SMG6: variants seen among roughly 807,000 people sequenced by gnomAD.
The protein encoded by SMG6 is telomerase-binding protein EST1A.
SMG6 carries 66 observed loss-of-function variants against 142.2 expected under a neutral mutation model. The observed-to-expected ratio is 0.46, with a 90% CI of 0.38 to 0.57. The LOEUF is 0.57. Ranked by LOEUF, SMG6 falls within the 20% of genes least tolerant of loss-of-function variation. The pLI, the probability that SMG6 is intolerant of heterozygous loss-of-function variation, is 0.00. For missense variants in SMG6, 1,793 were observed against 1,832.0 expected (o/e 0.98, Z 0.39); for synonymous variants, 779 against 702.4 (o/e 1.11, Z -1.72).
chr17:2,177,675 C>T (rs1272741150), intron 12 of SMG6, among the ~76,000 whole-genome samples: 1 of 152,120 alleles, frequency 6.6e-6, no homozygotes, highest in Non-Finnish European at 1.5e-5. Flanking sequence ...AGAAGCCGTG[C>T]ATTGTGTTTC....
At chr17:2,200,135 G>C (rs867137573) in intron 10 of SMG6, 1 of 151,768 alleles carries the variant, frequency 6.6e-6, no homozygotes, top group African/African-American at 2.4e-5. Flanking sequence ...TGGCTAGGCT[G>C]GTCTTGAACT....
At chr17:2,152,105 C>G (rs928704534) in intron 13 of SMG6, among the ~76,000 whole-genome samples, 1 of 152,144 alleles carries the variant, frequency 6.6e-6, no homozygotes, top group Non-Finnish European at 1.5e-5. Context: ...GCCGGAGAGG[C>G]CTTGATGAAT....
intron 10 of SMG6, among the ~76,000 whole-genome samples, chr17:2,211,631 T>G (rs984400428): frequency 4.3e-4 from 61 of 141,790 alleles, no homozygotes; most frequent in Non-Finnish European, 8.7e-4. Flanking sequence ...GCCAGGGCAC[T>G]CCAGCCTGGG....
At position 2,068,815 on chromosome 17, in the gene SMG6, C is replaced by T. The variant is rs137992786; in HGVS notation, c.3798G>A (p.Leu1266=). The change falls in exon 16 of 19, where the codon CTG becomes CTA. Residue 1266 remains leucine (L), a synonymous_variant. Coordinates refer to ENST00000263073, the MANE Select transcript of SMG6 (RefSeq NM_017575.5). This position sits in a 1 kb window ranked among gnomAD's most constrained non-coding sequence, Gnocchi z 6.7. ...CCACCAGGATGTACTTCCTGCTCTCCAGCAGCCGCGCCAGACTGGCCAGGT... is the reference window on the plus strand; with the variant it reads ...CCACCAGGATGTACTTCCTGCTCTCTAGCAGCCGCGCCAGACTGGCCAGGT... ...IDHLASLARL[L]ESRKYILVVP... 173 of 1,614,236 alleles carry T rather than the reference C, an allele frequency of 1.1e-4. No individual in the cohort carries two copies. In the African/African-American group the frequency reaches 2.0e-3, roughly 19 times the overall value.
intron 1 of SMG6, among the ~76,000 whole-genome samples, chr17:2,302,295 G>A (rs2075297788): frequency 6.6e-6 from 1 of 151,994 alleles, no homozygotes; most frequent in Non-Finnish European, 1.5e-5. Context: ...TGTAATCCCA[G>A]CACTTTGGGA....
intron 2 of SMG6, 50 bp from the exon 3 acceptor site, chr17:2,298,105 G>C: frequency 6.6e-7 from 1 of 1,525,520 alleles, no homozygotes; most frequent in Non-Finnish European, 8.8e-7. Context: ...CACAGAAAAA[G>C]CTAGACTCAA....
At chr17:2,116,505 A>G (rs2069510901) in intron 13 of SMG6, among the ~76,000 whole-genome samples, 1 of 152,130 alleles carries the variant, frequency 6.6e-6, no homozygotes, top group Non-Finnish European at 1.5e-5. Flanking sequence ...GGGTGGGGTC[A>G]GGAGTTTGAG....
intron 13 of SMG6, among the ~76,000 whole-genome samples, chr17:2,126,925 TACATGCACACATGCGCAC>T (rs1207352423): frequency 2.1e-5 from 3 of 140,986 alleles, no homozygotes; most frequent in African/African-American, 5.4e-5. Flanking sequence ...GACACAAACA[TACATGCACACATGCGCAC>T]ACATGCACAC....
At chr17:2,070,709 G>A (rs1223155709) in intron 15 of SMG6, among the ~76,000 whole-genome samples, 1 of 152,222 alleles carries the variant, frequency 6.6e-6, no homozygotes, top group Non-Finnish European at 1.5e-5. Context: ...AACGCTGGCA[G>A]GCATGAGAAA....
At chr17:2,064,506 C>T (rs2067879571) in intron 18 of SMG6, among the ~76,000 whole-genome samples, 1 of 152,166 alleles carries the variant, frequency 6.6e-6, no homozygotes, top group Non-Finnish European at 1.5e-5. Context: ...AAACTCTAGC[C>T]AGCCTTCAAA....
At chr17:2,134,362 G>T (rs2070221719) in intron 13 of SMG6, among the ~76,000 whole-genome samples, 1 of 130,546 alleles carries the variant, frequency 7.7e-6, no homozygotes, top group African/African-American at 2.9e-5. Context: ...AGGTTGCAGT[G>T]AGCCGAGATC....
chr17:2,245,640 C>A (rs2073912607), intron 8 of SMG6, among the ~76,000 whole-genome samples: 1 of 152,168 alleles, frequency 6.6e-6, no homozygotes, highest in Non-Finnish European at 1.5e-5. Flanking sequence ...CTGCTTTGGC[C>A]TCCCAAAGTG....
rs867691130 is a variant in SMG6 at position 2,071,812 on chromosome 17, C to G, written c.3682-2881G>C. 6.6e-6 allele frequency: 1 copy of G among 152,120 alleles called. No homozygotes were observed. The highest frequency in any genetic ancestry group is 1.5e-5 in the Non-Finnish European group (1 of 68,064). 9.4% of individuals were successfully genotyped at this position (152,120 alleles called of 1,614,324 possible). A position where few individuals can be genotyped will look rare whatever the true frequency, so the allele number is the denominator to read the frequency against. On this transcript the variant is annotated intron_variant, in intron 15 of 18. Coordinates refer to ENST00000263073, the MANE Select transcript of SMG6 (RefSeq NM_017575.5). This position sits in a 1 kb window ranked among gnomAD's most constrained non-coding sequence, Gnocchi z 5.6. The stretch of plus-strand genomic sequence containing the variant: ...AAGAGTGGCAGGCGGAGGAGGGCTT[C>G]GGAGTCCACAGGCACCCTTCTACGG...
At chr17:2,203,210 C>T (rs994914058) in intron 10 of SMG6, among the ~76,000 whole-genome samples, 2 of 152,184 alleles carry the variant, frequency 1.3e-5, no homozygotes, top group Admixed American at 6.5e-5. Context: ...ACACTTTGGC[C>T]ATTTCCACCT....
intron 13 of SMG6, among the ~76,000 whole-genome samples, chr17:2,140,088 G>T (rs1389194307): frequency 7.0e-6 from 1 of 143,286 alleles, no homozygotes; most frequent in Non-Finnish European, 1.5e-5. Flanking sequence ...TTTGAGACAG[G>T]GTCTCACTCT....
At chr17:2,156,639 C>T (rs2071015697) in intron 13 of SMG6, among the ~76,000 whole-genome samples, 2 of 151,994 alleles carry the variant, frequency 1.3e-5, no homozygotes, top group Admixed American at 1.3e-4. Flanking sequence ...TCCCTCCTGT[C>T]TCTGTTTTGT....
At chr17:2,113,514 C>T (rs943858845) in intron 13 of SMG6, among the ~76,000 whole-genome samples, 3 of 152,194 alleles carry the variant, frequency 2.0e-5, no homozygotes, top group Non-Finnish European at 4.4e-5. Flanking sequence ...GGAAAGGGTG[C>T]TGGCTCCACG....
chr17:2,136,515 G>A (rs1044509274), intron 13 of SMG6, among the ~76,000 whole-genome samples: 1 of 152,064 alleles, frequency 6.6e-6, no homozygotes, highest in African/African-American at 2.4e-5. Flanking sequence ...ACACTCCTTG[G>A]AAAGTCTCCA....
In SMG6 at chr17:2,300,153, T is replaced by G; in HGVS notation, c.600A>C (p.Ile200=). Reference sequence around the variant, plus strand: ...CTCTCCCACCACCTGGGCTCTTTTCTATCTCAGCCCTGTCTGGTTTATTCG... The same window carrying G: ...CTCTCCCACCACCTGGGCTCTTTTCGATCTCAGCCCTGTCTGGTTTATTCG... ...EVANKPDRAE[I]EKSPGGGRVG... Residue 200 remains isoleucine, a synonymous_variant, in exon 2 of 19, where the codon ATA becomes ATC. Transcript: ENST00000263073. 6.2e-7 allele frequency: 1 copy of G among 1,614,158 alleles called. No homozygotes were observed.
Sources: gnomAD v4.1 joint callset for allele counts (sites outside exome capture counted in the v4.1 genomes callset) on GRCh38, gnomAD v4.1.1 for gene constraint, Gnocchi (gnomAD v3.1) non-coding constraint, MANE v1.5 for transcripts, NCBI Gene and HGNC (gene_info 2026-07-23, HGNC 2026-07-21) for gene names.